Variants in SLC24A3 observed in about 807,000 individuals in gnomAD.
SLC24A3 encodes sodium/potassium/calcium exchanger 3.
In SLC24A3, 28 loss-of-function variants were observed where a neutral mutation model predicts 75.8. The ratio of observed to expected loss-of-function variants is 0.37; its 90% CI spans 0.27 to 0.51. The LOEUF (loss-of-function observed/expected upper bound fraction) is 0.51, where lower values mean the gene tolerates loss of function less well. Among genes scored for constraint, SLC24A3 ranks in the 20% least tolerant of loss-of-function variants. The pLI is 0.94. For synonymous variants in SLC24A3, 372 were observed against 334.1 expected, an observed-to-expected ratio of 1.11 and a Z score of -1.24; for missense variants, 663 against 847.8, an observed-to-expected ratio of 0.78 and a Z score of 2.71.
chr20:19,681,003 C>A (rs551552230), intron 9 of SLC24A3, among the ~76,000 whole-genome samples: 1 of 152,190 alleles, frequency 6.6e-6, no homozygotes, highest in Non-Finnish European at 1.5e-5. Context: ...GGGGGAAAAG[C>A]AGTAGCAGCC....
At chr20:19,406,199 T>C (rs990632959) in intron 2 of SLC24A3, among the ~76,000 whole-genome samples, 2 of 148,722 alleles carry the variant, frequency 1.3e-5, no homozygotes, top group African/African-American at 5.2e-5. Context: ...TGTGTGTGTG[T>C]GTGTGTGTGC....
chr20:19,639,542 G>C (rs963251558), intron 6 of SLC24A3, among the ~76,000 whole-genome samples: 3 of 152,252 alleles, frequency 2.0e-5, no homozygotes, highest in African/African-American at 7.2e-5. Flanking sequence ...GTCCCCACCA[G>C]ACTCAGGAGC....
At chr20:19,359,599 C>A (rs1480376268) in intron 2 of SLC24A3, among the ~76,000 whole-genome samples, 1 of 152,176 alleles carries the variant, frequency 6.6e-6, no homozygotes, top group Non-Finnish European at 1.5e-5. Context: ...TCTATCCTCC[C>A]AGTGACCCCT....
At chr20:19,481,093 G>C (rs1010541986) in intron 2 of SLC24A3, among the ~76,000 whole-genome samples, 1 of 152,126 alleles carries the variant, frequency 6.6e-6, no homozygotes, top group Admixed American at 6.5e-5. Flanking sequence ...AGGGCATTGC[G>C]ACAGGAACTT....
At chr20:19,606,597 C>A (rs2031600574) in intron 6 of SLC24A3, among the ~76,000 whole-genome samples, 1 of 152,108 alleles carries the variant, frequency 6.6e-6, no homozygotes, top group South Asian at 2.1e-4. Flanking sequence ...GTAACCGCTT[C>A]TTTGTGCATA....
At chr20:19,499,187 T>G (rs1247584025) in intron 2 of SLC24A3, among the ~76,000 whole-genome samples, 1 of 152,254 alleles carries the variant, frequency 6.6e-6, no homozygotes, top group Non-Finnish European at 1.5e-5. Context: ...CAATAAAATG[T>G]TACAGTTGTC....
intron 14 of SLC24A3, among the ~76,000 whole-genome samples, chr20:19,698,241 A>C (rs1164681874): frequency 1.3e-5 from 2 of 152,210 alleles, no homozygotes; most frequent in Non-Finnish European, 2.9e-5. Flanking sequence ...ACTTCCCGCC[A>C]AGCCTCACCT....
At chr20:19,455,325 C>T (rs1048685747) in intron 2 of SLC24A3, among the ~76,000 whole-genome samples, 1 of 152,190 alleles carries the variant, frequency 6.6e-6, no homozygotes, top group Non-Finnish European at 1.5e-5. Context: ...TTCTTATCAT[C>T]ACTATTAGGT....
intron 12 of SLC24A3, among the ~76,000 whole-genome samples, chr20:19,692,563 A>G (rs919952956): frequency 1.3e-5 from 2 of 152,210 alleles, no homozygotes; most frequent in Non-Finnish European, 2.9e-5. Flanking sequence ...AGTAAAAACA[A>G]TATCTATGGT....
In SLC24A3 at chr20:19,270,415, A is replaced by G. The variant is rs558280535; in HGVS notation, c.143-10544A>G. Among the ~76,000 whole-genome samples, 4 of 152,312 alleles carry G rather than the reference A, an allele frequency of 2.6e-5. No homozygotes were observed. The South Asian group carries it at 8.3e-4, about 32-fold the overall frequency. On this transcript the variant is annotated intron_variant, in intron 1 of 16. Transcript: ENST00000328041. ...GTTCAGGCTGCTATAACAGAATACC[A>G]CAGATTTAGCAGCTTAAAAAACAGC...
At chr20:19,268,417 G>C (rs1250140819) in intron 1 of SLC24A3, among the ~76,000 whole-genome samples, 5 of 152,094 alleles carry the variant, frequency 3.3e-5, no homozygotes, top group Non-Finnish European at 5.9e-5. Context: ...CTGAAGGTGG[G>C]GGACCCTACC....
chr20:19,602,240 G>A (rs1039215099), intron 6 of SLC24A3, among the ~76,000 whole-genome samples: 4 of 152,108 alleles, frequency 2.6e-5, no homozygotes, highest in East Asian at 1.9e-4. Flanking sequence ...CCTGGGCACC[G>A]CACTTTGTTG....
chr20:19,678,259 G>A (rs1197406115), intron 9 of SLC24A3, among the ~76,000 whole-genome samples: 2 of 149,150 alleles, frequency 1.3e-5, no homozygotes, highest in East Asian at 2.0e-4. Context: ...GGGCAGAGGG[G>A]CTCCTCACTT....
chr20:19,261,408 C>T (rs1982983035), intron 1 of SLC24A3, among the ~76,000 whole-genome samples: 2 of 152,298 alleles, frequency 1.3e-5, no homozygotes, highest in Admixed American at 1.3e-4. Flanking sequence ...GTGGCATGAT[C>T]ACAGCTCACT....
At chr20:19,460,055 A>G (rs1283420067) in intron 2 of SLC24A3, among the ~76,000 whole-genome samples, 1 of 152,192 alleles carries the variant, frequency 6.6e-6, no homozygotes, top group Non-Finnish European at 1.5e-5. Context: ...GAAGTGGGCC[A>G]GGGTGAGGGT....
At chr20:19,356,812 T>C (rs1265338717) in intron 2 of SLC24A3, among the ~76,000 whole-genome samples, 1 of 151,998 alleles carries the variant, frequency 6.6e-6, no homozygotes, top group African/African-American at 2.4e-5. Context: ...TTCCTACTGC[T>C]CTACATGGTC....
intron 7 of SLC24A3, among the ~76,000 whole-genome samples, chr20:19,665,121 T>A (rs1299703315): frequency 3.9e-5 from 6 of 152,216 alleles, no homozygotes; most frequent in Admixed American, 2.6e-4. Context: ...CTCTTTCAAG[T>A]CCTAACTGAT....
intron 3 of SLC24A3, among the ~76,000 whole-genome samples, chr20:19,570,194 G>A (rs62200459): frequency 0.014 from 2,105 of 152,268 alleles, 21 homozygotes; most frequent in Non-Finnish European, 0.023. Context: ...ACATGGCCAG[G>A]AGGAGAGAGA....
chr20:19,563,590 G>C (rs530756766), intron 3 of SLC24A3, among the ~76,000 whole-genome samples: 2 of 152,132 alleles, frequency 1.3e-5, no homozygotes, highest in Non-Finnish European at 2.9e-5. Context: ...TTGAAGAGGC[G>C]CCAGATTACG....
Sources: gnomAD v4.1 joint callset for allele counts (sites outside exome capture counted in the v4.1 genomes callset) on GRCh38, gnomAD v4.1.1 for gene constraint, MANE v1.5 for transcripts, NCBI Gene and HGNC (gene_info 2026-07-23, HGNC 2026-07-21) for gene names.